CCDC91: variants seen among roughly 807,000 people sequenced by gnomAD.
CCDC91 encodes coiled-coil domain-containing protein 91.
A neutral mutation model predicts 63.2 loss-of-function variants in CCDC91; 48 were observed. The ratio of observed to expected loss-of-function variants is 0.76; its 90% CI spans 0.60 to 0.97. CCDC91 has a LOEUF of 0.97. Among genes scored for constraint, CCDC91 ranks in the 50% least tolerant of loss-of-function variants. The pLI is 0.00. For synonymous variants in CCDC91, 167 were observed against 165.8 expected (o/e 1.01, Z -0.06); for missense variants, 500 against 494.6 (o/e 1.01, Z -0.10).
intron 6 of CCDC91, among the ~76,000 whole-genome samples, chr12:28,340,415 C>T (rs1206697502): frequency 6.6e-6 from 1 of 152,186 alleles, no homozygotes; most frequent in Non-Finnish European, 1.5e-5. Flanking sequence ...AAGAGAATAT[C>T]TCAGTAGTTT....
chr12:28,360,850 T>C (rs1218820473), intron 6 of CCDC91, among the ~76,000 whole-genome samples: 3 of 152,210 alleles, frequency 2.0e-5, no homozygotes, highest in East Asian at 3.9e-4. Flanking sequence ...AATTCACCTA[T>C]TAAGCTTTCT....
At chr12:28,534,033 C>T (rs1397796771) in intron 12 of CCDC91, among the ~76,000 whole-genome samples, 3 of 152,068 alleles carry the variant, frequency 2.0e-5, no homozygotes, top group Non-Finnish European at 4.4e-5. Flanking sequence ...AAGATAACCA[C>T]ACTACACATA....
At chr12:28,357,815 G>T (rs372673337) in intron 6 of CCDC91, among the ~76,000 whole-genome samples, 3 of 152,086 alleles carry the variant, frequency 2.0e-5, no homozygotes, top group African/African-American at 7.2e-5. Flanking sequence ...AAAATCCACA[G>T]TTTTATTTAA....
chr12:28,233,878 G>A (rs1282626047), intron 1 of CCDC91, among the ~76,000 whole-genome samples: 1 of 151,912 alleles, frequency 6.6e-6, no homozygotes, highest in Non-Finnish European at 1.5e-5. Context: ...AGTCAAATAT[G>A]TATTGCTTAA....
intron 3 of CCDC91, among the ~76,000 whole-genome samples, chr12:28,301,404 TGGA>T (rs1422869344): frequency 6.6e-6 from 1 of 151,628 alleles, no homozygotes; most frequent in Non-Finnish European, 1.5e-5. Flanking sequence ...CTTGCATTCC[TGGA>T]GTAAGTTCTA....
At chr12:28,249,718 CT>C (rs777184107) in intron 1 of CCDC91, among the ~76,000 whole-genome samples, 2,742 of 143,518 alleles carry the variant, frequency 0.019, 61 homozygotes, top group African/African-American at 0.053. Flanking sequence ...ACTATGATTA[CT>C]TTTTTTTTTT....
chr12:28,362,446 T>C lies in CCDC91; in HGVS notation c.585T>C (p.His195=). 1.3e-6 allele frequency: 2 copies of C among 1,579,818 alleles called. No homozygotes were observed. The highest frequency in any genetic ancestry group is 1.7e-6 in the Non-Finnish European group (2 of 1,162,546). ...QDRYKELQEK[H]KQELEDMRKA... is the part of the protein sequence containing the mutation. ...TTTCTTTTTTCTTTCAGGAAAAACATAAACAAGAATTGGAAGACATGAGGA... is the reference window on the plus strand; with the variant it reads ...TTTCTTTTTTCTTTCAGGAAAAACACAAACAAGAATTGGAAGACATGAGGA... Residue 195 remains histidine (H), a synonymous_variant, in exon 7 of 13, where the codon CAT becomes CAC. Transcript: ENST00000536442.
chr12:28,191,167 T>G (rs949617087), intron 1 of CCDC91: 2 of 152,224 alleles, frequency 1.3e-5, no homozygotes, highest in Non-Finnish European at 2.9e-5. Flanking sequence ...TGCCAAGTGG[T>G]GAGGTATCCT....
intron 12 of CCDC91, among the ~76,000 whole-genome samples, chr12:28,537,911 G>A (rs1437339337): frequency 6.6e-6 from 1 of 152,096 alleles, no homozygotes; most frequent in Non-Finnish European, 1.5e-5. Context: ...GGGAATAATG[G>A]CCTGCATGTG....
intron 8 of CCDC91, among the ~76,000 whole-genome samples, chr12:28,396,268 C>T (rs1449963607): frequency 3.3e-5 from 5 of 151,902 alleles, no homozygotes; most frequent in Admixed American, 6.6e-5. Context: ...AGGGTAAGAC[C>T]ATATGAGGGT....
chr12:28,236,035 T>A (rs1034613577), intron 1 of CCDC91, among the ~76,000 whole-genome samples: 2 of 152,160 alleles, frequency 1.3e-5, no homozygotes, highest in Non-Finnish European at 2.9e-5. Context: ...TAGACCTTGC[T>A]ATGCTTTGCT....
chr12:28,331,004 T>A (rs1941456928), intron 6 of CCDC91, among the ~76,000 whole-genome samples: 1 of 152,240 alleles, frequency 6.6e-6, no homozygotes, highest in African/African-American at 2.4e-5. Context: ...TGGATTTGTT[T>A]CATTTCAGCA....
At chr12:28,274,843 T>C (rs1231172221) in intron 3 of CCDC91, among the ~76,000 whole-genome samples, 2 of 152,132 alleles carry the variant, frequency 1.3e-5, no homozygotes, top group Non-Finnish European at 2.9e-5. Context: ...TTCCTTCTCC[T>C]GCCTGATTGC....
chr12:28,466,066 CAA>C (rs951179174), intron 11 of CCDC91, among the ~76,000 whole-genome samples: 2 of 140,748 alleles, frequency 1.4e-5, no homozygotes, highest in African/African-American at 4.9e-5. Flanking sequence ...GCAGAACTGA[CAA>C]AGAAAAAAAG....
At chr12:28,236,973 T>C (rs1243906250) in intron 1 of CCDC91, 2 of 152,234 alleles carry the variant, frequency 1.3e-5, no homozygotes, top group Non-Finnish European at 2.9e-5. Context: ...TAATCTGTTT[T>C]ATTTGAATAT....
intron 1 of CCDC91, among the ~76,000 whole-genome samples, chr12:28,227,958 T>C: frequency 6.6e-6 from 1 of 152,104 alleles, no homozygotes; most frequent in Middle Eastern, 3.2e-3. Context: ...TTAAAAGTGA[T>C]AGCGTGTCTA....
intron 12 of CCDC91, among the ~76,000 whole-genome samples, chr12:28,519,767 T>A (rs1270017102): frequency 7.4e-6 from 1 of 134,426 alleles, no homozygotes; most frequent in Non-Finnish European, 1.6e-5. Flanking sequence ...CCCCTTCCTG[T>A]GTCCAAGTGT....
intron 12 of CCDC91, among the ~76,000 whole-genome samples, chr12:28,487,353 A>T (rs1360057730): frequency 8.2e-5 from 12 of 146,222 alleles, no homozygotes; most frequent in South Asian, 6.2e-4. Context: ...TGTAAATTTT[A>T]AAAAATTGAG....
intron 11 of CCDC91, among the ~76,000 whole-genome samples, chr12:28,462,221 A>C (rs10843180): frequency 0.21 from 31,716 of 152,046 alleles, 4,331 homozygotes; most frequent in Non-Finnish European, 0.31. Context: ...ACTATGCAAA[A>C]ACCATTGTGG....
Sources: allele counts gnomAD v4.1 joint callset (sites outside exome capture counted in the v4.1 genomes callset), GRCh38; gene constraint gnomAD v4.1.1; transcripts MANE v1.5; gene names NCBI Gene and HGNC (gene_info 2026-07-23, HGNC 2026-07-21).